ELP4: variants seen among roughly 807,000 people sequenced by gnomAD.
The protein encoded by ELP4 is elongator complex protein 4.
In ELP4, 51 loss-of-function variants were observed where a neutral mutation model predicts 48.9. The observed-to-expected ratio is 1.04, with a 90% CI of 0.83 to 1.32. The LOEUF is 1.32. ELP4 is among the 40% of genes most tolerant of loss of function. The pLI, the probability that ELP4 is intolerant of heterozygous loss-of-function variation, is 0.00. For missense variants in ELP4, 519 were observed against 514.6 expected, an observed-to-expected ratio of 1.01 and a Z score of -0.08; for synonymous variants, 210 against 189.2, an observed-to-expected ratio of 1.11 and a Z score of -0.90.
intron 7 of ELP4, chr11:31,647,071 C>G (rs1374446044): frequency 6.6e-6 from 1 of 151,644 alleles, no homozygotes; most frequent in Non-Finnish European, 1.5e-5. Context: ...CAGATTGTGT[C>G]GAGAAATAAA....
intron 9 of ELP4, among the ~76,000 whole-genome samples, chr11:31,732,350 A>G (rs1046569879): frequency 2.4e-4 from 37 of 152,098 alleles, no homozygotes; most frequent in Non-Finnish European, 5.9e-5. Flanking sequence ...TTAAGTTGTT[A>G]TCAGCTTAAA....
intron 9 of ELP4, among the ~76,000 whole-genome samples, chr11:31,698,862 A>C (rs988466123): frequency 2.6e-5 from 4 of 152,228 alleles, no homozygotes; most frequent in African/African-American, 9.6e-5. Context: ...AGAGATTAAC[A>C]TCAAAATACA....
At chr11:31,696,165 CCTT>C (rs1422577716) in intron 9 of ELP4, among the ~76,000 whole-genome samples, 2 of 152,046 alleles carry the variant, frequency 1.3e-5, no homozygotes, top group Non-Finnish European at 2.9e-5. Flanking sequence ...GTCTCTATCT[CCTT>C]CTGTTCTGCT....
intron 8 of ELP4, 42 bp from the exon 9 acceptor site, chr11:31,650,073 C>A: frequency 1.2e-6 from 1 of 806,282 alleles, no homozygotes; most frequent in Non-Finnish European, 2.1e-6. Context: ...CATCTGATGA[C>A]AATGTTTTAA....
chr11:31,704,987 G>A (rs1334839296), intron 9 of ELP4, among the ~76,000 whole-genome samples: 1 of 151,070 alleles, frequency 6.6e-6, no homozygotes, highest in African/African-American at 2.4e-5. Context: ...CGCCAACCTG[G>A]GAACAGAGCG....
chr11:31,729,108 T>A (rs1947133530), intron 9 of ELP4, among the ~76,000 whole-genome samples: 1 of 152,206 alleles, frequency 6.6e-6, no homozygotes, highest in African/African-American at 2.4e-5. Context: ...AGAAAGGTTT[T>A]AAACTAGTGA....
At chr11:31,720,304 C>CT (rs973587291) in intron 9 of ELP4, among the ~76,000 whole-genome samples, 17 of 151,444 alleles carry the variant, frequency 1.1e-4, no homozygotes, top group East Asian at 1.9e-4. Flanking sequence ...TAGGCAATTA[C>CT]TTTTTTTTTA....
At chr11:31,743,423 C>T (rs1204670096) in intron 9 of ELP4, among the ~76,000 whole-genome samples, 1 of 152,158 alleles carries the variant, frequency 6.6e-6, no homozygotes, top group Non-Finnish European at 1.5e-5. Flanking sequence ...GAACTGTCCA[C>T]CCCAAATCAA....
At chr11:31,687,298 T>G (rs1946181393) in intron 9 of ELP4, among the ~76,000 whole-genome samples, 1 of 152,172 alleles carries the variant, frequency 6.6e-6, no homozygotes, top group Non-Finnish European at 1.5e-5. Context: ...GTTGAAGACA[T>G]TAGAACATGT....
intron 9 of ELP4, among the ~76,000 whole-genome samples, chr11:31,684,030 A>G (rs1323271705): frequency 1.3e-5 from 2 of 152,172 alleles, no homozygotes; most frequent in Non-Finnish European, 2.9e-5. Context: ...TGCTCTGTGC[A>G]GTCCTACCCA....
intron 3 of ELP4, among the ~76,000 whole-genome samples, chr11:31,544,011 G>A (rs888884295): frequency 6.6e-5 from 10 of 152,166 alleles, no homozygotes; most frequent in East Asian, 1.9e-4. Flanking sequence ...GAAAAAGATC[G>A]GGGAGGAGCC....
chr11:31,553,984 A>G (rs1188917248), intron 3 of ELP4, among the ~76,000 whole-genome samples: 1 of 152,154 alleles, frequency 6.6e-6, no homozygotes. Context: ...CAGTGGTGGC[A>G]TCAGATTCTC....
At chr11:31,537,229 TTTG>T (rs1391690378) in intron 2 of ELP4, among the ~76,000 whole-genome samples, 1 of 152,224 alleles carries the variant, frequency 6.6e-6, no homozygotes, top group Admixed American at 6.5e-5. Context: ...TTTATCGCTT[TTTG>T]TTGTTTAAAT....
At chr11:31,776,423 G>A (rs1948249790) in intron 9 of ELP4, among the ~76,000 whole-genome samples, 1 of 152,158 alleles carries the variant, frequency 6.6e-6, no homozygotes, top group Non-Finnish European at 1.5e-5. Context: ...TCTTCTATTG[G>A]CAAGGGAAGC....
At chr11:31,584,680 AT>A (rs1354584908) in intron 3 of ELP4, among the ~76,000 whole-genome samples, 1 of 151,912 alleles carries the variant, frequency 6.6e-6, no homozygotes, top group African/African-American at 2.4e-5. Context: ...CGCACCCGCC[AT>A]TTTTTGTATT....
chr11:31,783,317 A>G, intron 9 of ELP4, 76 bp from the exon 10 acceptor site: 1 of 1,329,900 alleles, frequency 7.5e-7, no homozygotes, highest in Non-Finnish European at 1.1e-6. Context: ...TGTAATCTGA[A>G]GTATGCTAGC....
intron 9 of ELP4, among the ~76,000 whole-genome samples, chr11:31,693,349 C>G (rs1260486318): frequency 6.6e-6 from 1 of 151,946 alleles, no homozygotes; most frequent in African/African-American, 2.4e-5. Context: ...GTAATATTCC[C>G]CTTCCTGTGT....
At chr11:31,719,750 T>C in intron 9 of ELP4, 1 of 315,104 alleles carries the variant, frequency 3.2e-6, no homozygotes, top group Non-Finnish European at 5.7e-6. Flanking sequence ...ATGATATGCA[T>C]GCTGGAGTGG....
At chr11:31,523,626 A>G (rs1245256790) in intron 2 of ELP4, among the ~76,000 whole-genome samples, 1 of 152,224 alleles carries the variant, frequency 6.6e-6, no homozygotes, top group Non-Finnish European at 1.5e-5. Flanking sequence ...ACATGTGAAC[A>G]GATGAAAGGA....
Sources: gnomAD v4.1 joint callset for allele counts (sites outside exome capture counted in the v4.1 genomes callset) on GRCh38, gnomAD v4.1.1 for gene constraint, MANE v1.5 for transcripts, NCBI Gene and HGNC (gene_info 2026-07-23, HGNC 2026-07-21) for gene names.